DNAJC15: variants seen among roughly 807,000 people sequenced by gnomAD.
DNAJC15 encodes the protein dnaJ homolog subfamily C member 15.
Under a neutral mutation model 22.4 loss-of-function variants are expected in DNAJC15, and 27 were observed. The ratio of observed to expected loss-of-function variants is 1.20; its 90% confidence interval spans 0.89 to 1.66. The LOEUF (loss-of-function observed/expected upper bound fraction) is 1.66, where lower values mean the gene tolerates loss of function less well. DNAJC15 is among the 40% of genes most tolerant of loss of function. The pLI, the probability that DNAJC15 is intolerant of heterozygous loss-of-function variation, is 0.00. For missense variants in DNAJC15, 208 were observed against 187.1 expected, an observed-to-expected ratio of 1.11 and a Z score of -0.65; for synonymous variants, 79 against 63.2, an observed-to-expected ratio of 1.25 and a Z score of -1.19.
chr13:43,078,990 C>G (rs1290530962), intron 4 of DNAJC15: 3 of 186,554 alleles, frequency 1.6e-5, no homozygotes, highest in Non-Finnish European at 3.4e-5. Context: ...GTGACATTCT[C>G]TCTAGACTCA....
intron 5 of DNAJC15, among the ~76,000 whole-genome samples, chr13:43,106,960 A>G (rs866798677): frequency 6.6e-6 from 1 of 151,544 alleles, no homozygotes; most frequent in East Asian, 1.9e-4. Context: ...TTCTTTCATC[A>G]TTTTTCTCAG....
intron 1 of DNAJC15, among the ~76,000 whole-genome samples, chr13:43,044,783 C>T (rs1276886924): frequency 1.3e-5 from 2 of 151,882 alleles, no homozygotes; most frequent in East Asian, 3.9e-4. Flanking sequence ...TCCTATTGGC[C>T]TTACCTCCGA....
intron 2 of DNAJC15, among the ~76,000 whole-genome samples, 166 bp downstream of exon 2, chr13:43,065,903 A>C (rs1318735587): frequency 6.6e-6 from 1 of 152,234 alleles, no homozygotes; most frequent in Non-Finnish European, 1.5e-5. Flanking sequence ...TCATTGTAGC[A>C]AAATCTAGAT....
chr13:43,024,406 C>A (rs748704367), intron 1 of DNAJC15, among the ~76,000 whole-genome samples: 1 of 132,780 alleles, frequency 7.5e-6, no homozygotes, highest in Non-Finnish European at 1.5e-5. Context: ...TGCAGTGGCG[C>A]GATCTCGGCT....
intron 1 of DNAJC15, among the ~76,000 whole-genome samples, chr13:43,050,681 CAA>C (rs1039022836): frequency 2.6e-5 from 4 of 152,166 alleles, no homozygotes; most frequent in Non-Finnish European, 1.5e-5. Context: ...TGTTCATGCT[CAA>C]AAAGTTTTAT....
chr13:43,075,650 C>G (rs1833231708), intron 3 of DNAJC15, among the ~76,000 whole-genome samples: 1 of 152,054 alleles, frequency 6.6e-6, no homozygotes, highest in South Asian at 2.1e-4. Flanking sequence ...AACCTTAAAA[C>G]CAGCCCCTAT....
rs369032494 is a variant in DNAJC15, at chr13:43,113,610, A to C, written c.*6362A>C. The C allele has an allele frequency of 5.3e-5, 8 of 152,372 alleles. No homozygotes were observed. The highest frequency in any genetic ancestry group is 1.9e-4 in the African/African-American group (8 of 41,576). The allele number at this position is 152,372 out of a possible 1,614,324, so 9.4% of individuals were successfully genotyped here. ...TAACAGACTTGTGAGTTCCTTGAACATGGATACACCTATATGCAAGAGTGT... is the reference window on the plus strand; with the variant it reads ...TAACAGACTTGTGAGTTCCTTGAACCTGGATACACCTATATGCAAGAGTGT... On this transcript the variant is annotated 3_prime_UTR_variant, in exon 6 of 6. Transcript: ENST00000379221.
intron 3 of DNAJC15, among the ~76,000 whole-genome samples, chr13:43,077,173 A>G (rs758826707): frequency 6.6e-6 from 1 of 152,204 alleles, no homozygotes; most frequent in Non-Finnish European, 1.5e-5. Flanking sequence ...TATATCCGAA[A>G]TCATTCTCCT....
At chr13:43,046,513 C>G (rs1332095573) in intron 1 of DNAJC15, among the ~76,000 whole-genome samples, 1 of 151,662 alleles carries the variant, frequency 6.6e-6, no homozygotes, top group African/African-American at 2.4e-5. Context: ...TCACGCCCAA[C>G]CAATCAGGTA....
chr13:43,033,465 A>G (rs566580494), intron 1 of DNAJC15, among the ~76,000 whole-genome samples: 1 of 152,210 alleles, frequency 6.6e-6, no homozygotes, highest in East Asian at 1.9e-4. Flanking sequence ...CCCAAGTCAT[A>G]TTTTATTCAG....
intron 1 of DNAJC15, among the ~76,000 whole-genome samples, chr13:43,060,729 G>A (rs1314575223): frequency 6.6e-6 from 1 of 152,212 alleles, no homozygotes; most frequent in Non-Finnish European, 1.5e-5. Flanking sequence ...TAAATACCAA[G>A]AGCCTGAGAA....
At position 43,111,989 on chromosome 13, in the gene DNAJC15, G is replaced by A. The variant is rs1017307248; in HGVS notation, c.*4741G>A. 3.3e-5 allele frequency: 5 copies of A among 152,208 alleles called. No individual in the cohort carries two copies. The highest frequency in any genetic ancestry group is 1.2e-4 in the African/African-American group (5 of 41,448). The allele number at this position is 152,208 out of a possible 1,614,324, so 9.4% of individuals were successfully genotyped here. ...TTTATTAGCTGGAAAAGTTGAGAAG[G>A]TTCTCTGGACTCATTTTTATAGGTG... is the stretch of plus-strand genomic sequence containing the variant. On this transcript the variant is annotated 3_prime_UTR_variant, in exon 6 of 6. Coordinates refer to ENST00000379221, the MANE Select transcript of DNAJC15 (RefSeq NM_013238.3).
chr13:43,098,077 A>G (rs191725618), intron 5 of DNAJC15, among the ~76,000 whole-genome samples: 2 of 152,334 alleles, frequency 1.3e-5, no homozygotes, highest in East Asian at 1.9e-4. Context: ...AAAATTTGCT[A>G]TACTGAGAAA....
chr13:43,031,554 T>C (rs1005703351), intron 1 of DNAJC15, among the ~76,000 whole-genome samples: 1 of 152,098 alleles, frequency 6.6e-6, no homozygotes, highest in Non-Finnish European at 1.5e-5. Context: ...GAGGAGGAGA[T>C]GATGGCAGCA....
chr13:43,052,433 T>C (rs2153440305), intron 1 of DNAJC15, among the ~76,000 whole-genome samples: 1 of 152,096 alleles, frequency 6.6e-6, no homozygotes, highest in Non-Finnish European at 1.5e-5. Flanking sequence ...ACTTTTTTTT[T>C]TGAGACAGAG....
chr13:43,025,430 T>A (rs906614382), intron 1 of DNAJC15, among the ~76,000 whole-genome samples: 2 of 152,196 alleles, frequency 1.3e-5, no homozygotes, highest in African/African-American at 4.8e-5. Context: ...GCATCTTTAG[T>A]AGTCCAGGTA....
intron 1 of DNAJC15, among the ~76,000 whole-genome samples, chr13:43,043,298 G>A (rs2153439925): frequency 6.6e-6 from 1 of 152,180 alleles, no homozygotes; most frequent in South Asian, 2.1e-4. Context: ...AGTAGAGACG[G>A]GGTTTCACCA....
At chr13:43,060,395 C>A (rs145611113) in intron 1 of DNAJC15, among the ~76,000 whole-genome samples, 1 of 151,794 alleles carries the variant, frequency 6.6e-6, no homozygotes, top group Non-Finnish European at 1.5e-5. Context: ...ACACAAGGTC[C>A]GAATAAAAGA....
At chr13:43,082,250 C>A (rs1172859420) in intron 4 of DNAJC15, among the ~76,000 whole-genome samples, 1 of 151,834 alleles carries the variant, frequency 6.6e-6, no homozygotes, top group African/African-American at 2.4e-5. Context: ...ACTCCACATA[C>A]CCCCACTGCC....
Sources: gnomAD v4.1 joint callset for allele counts (sites outside exome capture counted in the v4.1 genomes callset) on GRCh38, gnomAD v4.1.1 for gene constraint, MANE v1.5 for transcripts, NCBI Gene and HGNC (gene_info 2026-07-23, HGNC 2026-07-21) for gene names.